MKX: variants seen among roughly 807,000 people sequenced by gnomAD.
MKX encodes mohawk homeobox.
MKX carries 13 observed loss-of-function variants against 36.0 expected under a neutral mutation model. The observed-to-expected ratio is 0.36, with a 90% CI of 0.24 to 0.57. MKX has a LOEUF of 0.57. Among genes scored for constraint, MKX ranks in the 20% least tolerant of loss-of-function variants. The pLI is 0.79. For synonymous variants in MKX, 176 were observed against 178.3 expected, an observed-to-expected ratio of 0.99 and a Z score of 0.10; for missense variants, 458 against 456.4, an observed-to-expected ratio of 1.00 and a Z score of -0.03.
chr10:27,711,421 TTTC>T (rs1468279339), intron 5 of MKX, among the ~76,000 whole-genome samples: 4 of 150,120 alleles, frequency 2.7e-5, no homozygotes, highest in South Asian at 2.1e-4. Flanking sequence ...TCTTTCTTTC[TTTC>T]TTTTCTCTTT....
At chr10:27,700,263 T>C (rs1329282959) in intron 5 of MKX, among the ~76,000 whole-genome samples, 1 of 152,232 alleles carries the variant, frequency 6.6e-6, no homozygotes, top group Admixed American at 6.5e-5. Context: ...TCAGGCAACA[T>C]TTATTTCAGT....
At chr10:27,686,436 A>G (rs926606173) in intron 5 of MKX, among the ~76,000 whole-genome samples, 4 of 144,070 alleles carry the variant, frequency 2.8e-5, no homozygotes, top group African/African-American at 1.1e-4. Context: ...GAAGGAAGGA[A>G]GGAAGGAAGG....
chr10:27,703,295 T>C (rs537874073), intron 5 of MKX, among the ~76,000 whole-genome samples: 1 of 152,324 alleles, frequency 6.6e-6, no homozygotes, highest in African/African-American at 2.4e-5. Context: ...GGTATTTGTA[T>C]TGCCTTCATT....
chr10:27,725,297 G>A (rs1054096348), intron 5 of MKX, among the ~76,000 whole-genome samples: 1 of 152,088 alleles, frequency 6.6e-6, no homozygotes, highest in African/African-American at 2.4e-5. Flanking sequence ...ATTGGGTAAC[G>A]GAAGCTGTCA....
chr10:27,697,126 A>C (rs913905111), intron 5 of MKX, among the ~76,000 whole-genome samples: 4 of 152,224 alleles, frequency 2.6e-5, no homozygotes, highest in Non-Finnish European at 4.4e-5. Flanking sequence ...TATTTTACAA[A>C]TAGGCTGACA....
chr10:27,707,934 G>A (rs2637318), intron 5 of MKX, among the ~76,000 whole-genome samples: 140,273 of 152,198 alleles, frequency 0.92, 64,665 homozygotes, highest in East Asian at 1. Context: ...TGTAGATGAA[G>A]GTAAACAGGT....
intron 5 of MKX, among the ~76,000 whole-genome samples, chr10:27,698,142 T>A (rs1836587499): frequency 6.6e-6 from 1 of 152,086 alleles, no homozygotes; most frequent in Non-Finnish European, 1.5e-5. Context: ...TGTTTGAGTT[T>A]TTGTTTGAGC....
chr10:27,738,721 A>G (rs1834830774), intron 3 of MKX, among the ~76,000 whole-genome samples: 1 of 152,086 alleles, frequency 6.6e-6, no homozygotes, highest in Admixed American at 6.5e-5. Flanking sequence ...CTACTTTAAC[A>G]AAGGTGTTTA....
At chr10:27,684,081 AGGT>A (rs957087445) in intron 5 of MKX, among the ~76,000 whole-genome samples, 1 of 152,190 alleles carries the variant, frequency 6.6e-6, no homozygotes, top group Non-Finnish European at 1.5e-5. Flanking sequence ...TGGGAGACCG[AGGT>A]GGGAGGATTG....
intron 5 of MKX, among the ~76,000 whole-genome samples, chr10:27,720,008 G>GAA (rs1564360505): frequency 6.7e-6 from 1 of 150,252 alleles, no homozygotes; most frequent in African/African-American, 2.4e-5. Flanking sequence ...GAGAGAGAGA[G>GAA]AAAAAGTTGA....
chr10:27,689,190 A>G (rs1589658030), intron 5 of MKX, among the ~76,000 whole-genome samples: 1 of 152,344 alleles, frequency 6.6e-6, no homozygotes, highest in South Asian at 2.1e-4. Flanking sequence ...TGACTGATTA[A>G]CACCAGAAAT....
At chr10:27,712,657 A>G (rs1394147508) in intron 5 of MKX, among the ~76,000 whole-genome samples, 1 of 152,194 alleles carries the variant, frequency 6.6e-6, no homozygotes, top group South Asian at 2.1e-4. Context: ...GAAATCATAT[A>G]AACTGCTGTG....
At chr10:27,715,795 C>T (rs1386950716) in intron 5 of MKX, among the ~76,000 whole-genome samples, 4 of 152,040 alleles carry the variant, frequency 2.6e-5, no homozygotes, top group Admixed American at 1.3e-4. Context: ...CTGCCATTCT[C>T]GATTGACAGA....
At chr10:27,717,467 G>C (rs1836985655) in intron 5 of MKX, among the ~76,000 whole-genome samples, 2 of 152,212 alleles carry the variant, frequency 1.3e-5, no homozygotes, top group Admixed American at 6.5e-5. Flanking sequence ...CATGCAAGCT[G>C]TCTGTTCCTG....
At chr10:27,737,221 C>T (rs578134228) in intron 3 of MKX, among the ~76,000 whole-genome samples, 68 of 152,260 alleles carry the variant, frequency 4.5e-4, no homozygotes, top group East Asian at 1.9e-3. Flanking sequence ...AATCTTCATC[C>T]GACTACTTTA....
intron 5 of MKX, among the ~76,000 whole-genome samples, chr10:27,732,535 G>T (rs73604049): frequency 2.6e-4 from 39 of 151,786 alleles, no homozygotes; most frequent in African/African-American, 9.4e-4. Flanking sequence ...AATTTGCGTC[G>T]ATTTTTGCTT....
At chr10:27,684,283 T>G (rs1836303818) in intron 5 of MKX, among the ~76,000 whole-genome samples, 1 of 151,920 alleles carries the variant, frequency 6.6e-6, no homozygotes, top group Admixed American at 6.6e-5. Flanking sequence ...CCACTGCACT[T>G]GGGCCTAGGT....
chr10:27,708,634 C>T (rs1836798929), intron 5 of MKX, among the ~76,000 whole-genome samples: 2 of 150,076 alleles, frequency 1.3e-5, no homozygotes, highest in Non-Finnish European at 3.0e-5. Context: ...GAGGCTGAGG[C>T]AAGAGAATCA....
chr10:27,703,105 T>C (rs1836689112), intron 5 of MKX, among the ~76,000 whole-genome samples: 1 of 152,128 alleles, frequency 6.6e-6, no homozygotes, highest in Non-Finnish European at 1.5e-5. Flanking sequence ...GAAAATGGAA[T>C]TACAAAAAGG....
Sources: gnomAD v4.1 joint callset for allele counts (sites outside exome capture counted in the v4.1 genomes callset) on GRCh38, gnomAD v4.1.1 for gene constraint, MANE v1.5 for transcripts, NCBI Gene and HGNC (gene_info 2026-07-23, HGNC 2026-07-21) for gene names.